Variants in EXOC6B observed in about 807,000 individuals in gnomAD.
EXOC6B encodes SEC15 homolog B.
Under a neutral mutation model 113.5 loss-of-function variants are expected in EXOC6B, and 54 were observed. The ratio of observed to expected loss-of-function variants is 0.48; its 90% CI spans 0.38 to 0.60. The LOEUF is 0.60. Ranked by LOEUF, EXOC6B falls within the 20% of genes least tolerant of loss-of-function variation. The probability of loss-of-function intolerance (pLI) is 0.00; values close to 1 mark genes in which losing one functional copy is unlikely to be tolerated. For synonymous variants in EXOC6B, 357 were observed against 339.0 expected, an observed-to-expected ratio of 1.05 and a Z score of -0.58; for missense variants, 797 against 977.5, an observed-to-expected ratio of 0.82 and a Z score of 2.46.
chr2:72,698,976 G>A (rs1678094731), intron 6 of EXOC6B, among the ~76,000 whole-genome samples: 1 of 152,080 alleles, frequency 6.6e-6, no homozygotes, highest in African/African-American at 2.4e-5. Flanking sequence ...ATAATCTAGA[G>A]GGCTCTCACA....
At chr2:72,331,221 GCA>G (rs1452132283) in intron 20 of EXOC6B, among the ~76,000 whole-genome samples, 1 of 151,944 alleles carries the variant, frequency 6.6e-6, no homozygotes, top group Non-Finnish European at 1.5e-5. Flanking sequence ...CTCCCAGAGG[GCA>G]CAGATTATAC....
chr2:72,346,131 C>T (rs2104924733), intron 19 of EXOC6B, among the ~76,000 whole-genome samples: 1 of 151,992 alleles, frequency 6.6e-6, no homozygotes, highest in South Asian at 2.1e-4. Context: ...ATAGCAAATG[C>T]CAAACCAGTA....
At chr2:72,808,765 G>A (rs1008066232) in intron 1 of EXOC6B, among the ~76,000 whole-genome samples, 5 of 152,054 alleles carry the variant, frequency 3.3e-5, no homozygotes, top group African/African-American at 9.7e-5. Context: ...CTGGGCAACA[G>A]AGCGAGATCC....
intron 19 of EXOC6B, among the ~76,000 whole-genome samples, chr2:72,368,378 T>C (rs1690769953): frequency 1.3e-5 from 2 of 152,058 alleles, no homozygotes; most frequent in African/African-American, 4.8e-5. Context: ...ATTAATAGCT[T>C]ACCAGCCAAA....
chr2:72,202,307 T>C (rs1028963557), intron 20 of EXOC6B, among the ~76,000 whole-genome samples: 3 of 152,242 alleles, frequency 2.0e-5, no homozygotes, highest in Non-Finnish European at 4.4e-5. Flanking sequence ...GTATCCTTAT[T>C]ATTCAAGGAG....
chr2:72,630,056 C>A (rs140190977), intron 6 of EXOC6B, among the ~76,000 whole-genome samples: 100 of 152,286 alleles, frequency 6.6e-4, no homozygotes, highest in African/African-American at 2.3e-3. Context: ...AAGCCTTAGG[C>A]AGCTTGCCAT....
intron 20 of EXOC6B, among the ~76,000 whole-genome samples, chr2:72,196,327 G>T (rs962197069): frequency 6.6e-6 from 1 of 152,090 alleles, no homozygotes; most frequent in African/African-American, 2.4e-5. Context: ...AACATTAAGG[G>T]ATCGTAAAGC....
intron 2 of EXOC6B, among the ~76,000 whole-genome samples, chr2:72,738,855 A>G (rs997139584): frequency 6.6e-6 from 1 of 152,232 alleles, no homozygotes; most frequent in African/African-American, 2.4e-5. Context: ...ACACACCTGT[A>G]GTCCTAGCTA....
chr2:72,620,386 T>C (rs1340850261), intron 6 of EXOC6B, among the ~76,000 whole-genome samples: 1 of 151,362 alleles, frequency 6.6e-6, no homozygotes, highest in Non-Finnish European at 1.5e-5. Context: ...CAAACCACCA[T>C]GCACACATTT....
Position 72,675,823 on chromosome 2 carries a change from C to G in EXOC6B, c.669+42280G>C, listed in dbSNP as rs866082365. Among the ~76,000 whole-genome samples the G allele has an allele frequency of 3.4e-3, 467 of 135,622 alleles. 2 individuals carry two copies. The highest frequency in any genetic ancestry group is 8.6e-3 in the Admixed American group (110 of 12,724). 89.0% of individuals were successfully genotyped at this position (135,622 alleles called of 152,430 possible). A position where few individuals can be genotyped will look rare whatever the true frequency, so the allele number is the denominator to read the frequency against. On this transcript the variant is annotated intron_variant, in intron 6 of 21. Transcript: ENST00000272427. ...ATCTTTTTTAAAAAGTTGGTGGGGG[C>G]GGGGGGGCGGACAATGTACAAAACA...
At chr2:72,256,789 C>G (rs930477531) in intron 20 of EXOC6B, among the ~76,000 whole-genome samples, 1 of 152,110 alleles carries the variant, frequency 6.6e-6, no homozygotes, top group Non-Finnish European at 1.5e-5. Context: ...TTGGGAATCA[C>G]AGAGCTAGAT....
At chr2:72,490,024 T>C (rs377575429) in intron 16 of EXOC6B, among the ~76,000 whole-genome samples, 2 of 152,120 alleles carry the variant, frequency 1.3e-5, no homozygotes, top group East Asian at 3.9e-4. Flanking sequence ...TATAGGAACT[T>C]CCAATTCCTA....
intron 19 of EXOC6B, among the ~76,000 whole-genome samples, chr2:72,354,487 C>T (rs1689856899): frequency 6.6e-6 from 1 of 152,160 alleles, no homozygotes; most frequent in Admixed American, 6.6e-5. Flanking sequence ...GCATCTTAGG[C>T]CACGATAAGG....
intron 1 of EXOC6B, among the ~76,000 whole-genome samples, chr2:72,824,014 T>C (rs1024644244): frequency 7.2e-5 from 11 of 152,062 alleles, no homozygotes; most frequent in African/African-American, 2.7e-4. Context: ...GTCCTGATCA[T>C]AAGGCAATGG....
At chr2:72,378,223 T>A (rs1259956637) in intron 19 of EXOC6B, among the ~76,000 whole-genome samples, 1 of 152,176 alleles carries the variant, frequency 6.6e-6, no homozygotes, top group African/African-American at 2.4e-5. Flanking sequence ...TACCGAAGAC[T>A]CAAGGTCTCT....
intron 1 of EXOC6B, among the ~76,000 whole-genome samples, chr2:72,745,393 T>C (rs139131424): frequency 2.0e-5 from 3 of 152,108 alleles, no homozygotes; most frequent in African/African-American, 7.2e-5. Context: ...AATATTCTCT[T>C]TAATTATTAT....
chr2:72,478,491 T>G (rs1698885023), intron 17 of EXOC6B, among the ~76,000 whole-genome samples: 1 of 152,212 alleles, frequency 6.6e-6, no homozygotes, highest in Admixed American at 6.5e-5. Context: ...TTAGCTAGTC[T>G]GAAACAGCCC....
At chr2:72,332,220 G>GATTAATGATTAAT (rs1688452878) in intron 20 of EXOC6B, among the ~76,000 whole-genome samples, 1 of 151,854 alleles carries the variant, frequency 6.6e-6, no homozygotes, top group Admixed American at 6.6e-5. Flanking sequence ...GGCTTATTAA[G>GATTAATGATTAAT]GACATAATGA....
intron 6 of EXOC6B, among the ~76,000 whole-genome samples, chr2:72,602,474 CA>C (rs1248872964): frequency 1.3e-5 from 2 of 151,972 alleles, no homozygotes; most frequent in Non-Finnish European, 2.9e-5. Flanking sequence ...TAGAATAGAC[CA>C]ACCAAGTTGA....
Sources: allele counts gnomAD v4.1 joint callset (sites outside exome capture counted in the v4.1 genomes callset), GRCh38; gene constraint gnomAD v4.1.1; transcripts MANE v1.5; gene names NCBI Gene and HGNC (gene_info 2026-07-23, HGNC 2026-07-21).